The following SLC17A4 variants were observed in gnomAD, a reference collection of about 807,000 sequenced individuals.
The protein encoded by SLC17A4 is solute carrier family 17 member 4, also known as probable small intestine urate exporter.
Under a neutral mutation model 52.5 loss-of-function variants are expected in SLC17A4, and 33 were observed. The observed-to-expected ratio is 0.63, with a 90% CI of 0.48 to 0.84. The LOEUF (loss-of-function observed/expected upper bound fraction) is 0.84. SLC17A4 is among the 40% of genes least tolerant of loss of function. The pLI is 0.00. For synonymous variants in SLC17A4, 225 were observed against 216.2 expected (o/e 1.04, Z -0.36); for missense variants, 585 against 597.1 (o/e 0.98, Z 0.21).
At chr6:25,768,610 T>A (rs1762216602) in intron 2 of SLC17A4, among the ~76,000 whole-genome samples, 1 of 152,144 alleles carries the variant, frequency 6.6e-6, no homozygotes. Flanking sequence ...TTGGGAGTCA[T>A]CTCCAGCAGT....
rs1466493744 is a variant in SLC17A4, at chr6:25,777,252, C to T, written c.1268+293C>T. The T allele has an allele frequency of 1.5e-5, 5 of 340,716 alleles. No individual in the cohort carries two copies. The South Asian group carries it at 2.1e-4, about 14-fold the overall frequency. The allele number at this position is 340,716 out of a possible 1,614,324, so 21.1% of individuals were successfully genotyped here. A position where few individuals can be genotyped will look rare whatever the true frequency, so the allele number is the denominator to read the frequency against. On this transcript the variant is annotated intron_variant, in intron 10 of 11. Transcript: ENST00000377905. ...TGAGGAATGCAGCACTTGCCTAAGG[C>T]GGAATCACTGAAAGAAATCTTGAGA...
At chr6:25,759,817 T>A (rs1761375713) in intron 1 of SLC17A4, among the ~76,000 whole-genome samples, 1 of 152,370 alleles carries the variant, frequency 6.6e-6, no homozygotes, top group East Asian at 1.9e-4. Context: ...TGTTTACCTG[T>A]CTTTTAAATC....
chr6:25,756,199 C>A (rs992848686), intron 1 of SLC17A4, among the ~76,000 whole-genome samples: 3 of 152,098 alleles, frequency 2.0e-5, no homozygotes, highest in African/African-American at 7.2e-5. Flanking sequence ...CCTGCCCACC[C>A]CTTTGATCTC....
At chr6:25,769,810 G>T in intron 3 of SLC17A4, among the ~76,000 whole-genome samples, 1 of 151,486 alleles carries the variant, frequency 6.6e-6, no homozygotes, top group African/African-American at 2.4e-5. Flanking sequence ...TGCTTATGAT[G>T]CTTTCTTCTT....
intron 2 of SLC17A4, among the ~76,000 whole-genome samples, chr6:25,763,653 T>C (rs1290093776): frequency 2.0e-5 from 3 of 152,122 alleles, no homozygotes; most frequent in African/African-American, 7.2e-5. Context: ...TGTGGAGAAA[T>C]GCCCCCTCCC....
intron 1 of SLC17A4, among the ~76,000 whole-genome samples, chr6:25,756,540 G>A (rs1761031862): frequency 1.3e-5 from 2 of 151,936 alleles, no homozygotes; most frequent in African/African-American, 4.8e-5. Context: ...TTTCTCGCAG[G>A]TGTACTGTCT....
At chr6:25,776,249 T>C (rs1762905969) in intron 8 of SLC17A4, among the ~76,000 whole-genome samples, 1 of 152,178 alleles carries the variant, frequency 6.6e-6, no homozygotes, top group African/African-American at 2.4e-5. Flanking sequence ...TTGGATACCT[T>C]TTAACATGTT....
intron 1 of SLC17A4, among the ~76,000 whole-genome samples, chr6:25,755,110 C>CAGAG (rs142103682): frequency 0.27 from 40,996 of 150,978 alleles, 6,770 homozygotes; most frequent in East Asian, 0.7. Flanking sequence ...GAGGAAGAGA[C>CAGAG]AGAAACTAAA....
rs761415391 is a variant in SLC17A4 at position 25,776,940 on chromosome 6, T to C, written c.1249T>C (p.Phe417Leu). 5 of 1,612,922 alleles carry C rather than the reference T, an allele frequency of 3.1e-6. No individual in the cohort carries two copies. Among genetic ancestry groups the C allele is most frequent in the Non-Finnish European group, 4.2e-6 (5 of 1,179,396 alleles). The change falls in exon 10 of 12, where the codon TTC becomes CTC. Residue 417 changes from phenylalanine to leucine, a missense_variant. Transcript: ENST00000377905. ...SFCESGALVN[F>L]LDIAPRYTGF... ...CTGTGAATCAGGAGCCCTTGTTAAC[T>C]TCTTGGATATTGCTCCTCGGTAGGG...
intron 2 of SLC17A4, among the ~76,000 whole-genome samples, chr6:25,764,179 C>T (rs1025613371): frequency 1.3e-5 from 2 of 152,158 alleles, no homozygotes; most frequent in African/African-American, 2.4e-5. Context: ...TCATTGAGTT[C>T]GGCCTGCCAC....
At chr6:25,762,177 C>T in intron 2 of SLC17A4, 124 bp downstream of exon 2, 1 of 694,740 alleles carries the variant, frequency 1.4e-6, no homozygotes, top group South Asian at 2.0e-5. Flanking sequence ...TTCCTTGCTA[C>T]CACCAATTGC....
In SLC17A4 at chr6:25,776,834, C is replaced by A. The variant is rs199593179; in HGVS notation, c.1143C>A (p.Ile381=). ...TAIGVLFPSV[I]LVSLPWVRSS... ...CAGGGGTTCTCTTCCCATCCGTGAT[C>A]CTCGTGTCCCTGCCCTGGGTCAGAT... Residue 381 remains isoleucine, a synonymous_variant, in exon 10 of 12, where the codon ATC becomes ATA. Transcript: ENST00000377905. 9.0e-5 allele frequency: 146 copies of A among 1,614,000 alleles called. 4 individuals carry two copies. Among genetic ancestry groups the A allele is most frequent in the East Asian group, 7.6e-4 (34 of 44,870 alleles).
intron 8 of SLC17A4, among the ~76,000 whole-genome samples, chr6:25,775,609 G>T (rs984989322): frequency 6.6e-6 from 1 of 151,744 alleles, no homozygotes; most frequent in East Asian, 2.0e-4. Flanking sequence ...CTAATTTTTT[G>T]TGGAGATGAG....
intron 2 of SLC17A4, among the ~76,000 whole-genome samples, chr6:25,763,694 A>G (rs1330657398): frequency 6.6e-6 from 1 of 152,208 alleles, no homozygotes; most frequent in Non-Finnish European, 1.5e-5. Flanking sequence ...TATGCAAAGT[A>G]ACTGTTCCAA....
rs1257823721 is a variant in SLC17A4, at chr6:25,780,138, T to C, written c.*950T>C. ...TGGAGAAATGTGTGTAGTGCTTTTG[T>C]TAAAGCCCCTATATGGGCAGCATGG... On this transcript the variant is annotated 3_prime_UTR_variant, in exon 12 of 12. Transcript: ENST00000377905. The C allele has an allele frequency of 6.6e-6, 1 of 152,206 alleles. No homozygotes were observed. Among genetic ancestry groups the C allele is most frequent in the Non-Finnish European group, 1.5e-5 (1 of 68,038 alleles). 9.4% of individuals were successfully genotyped at this position (152,206 alleles called of 1,614,324 possible). A position where few individuals can be genotyped will look rare whatever the true frequency, so the allele number is the denominator to read the frequency against.
Position 25,779,338 on chromosome 6 carries a change from C to A in SLC17A4, c.*150C>A. 3 of 1,094,230 alleles carry A rather than the reference C, an allele frequency of 2.7e-6. No individual in the cohort carries two copies. Among genetic ancestry groups the A allele is most frequent in the African/African-American group, 1.6e-5 (1 of 63,044 alleles). 67.8% of individuals were successfully genotyped at this position (1,094,230 alleles called of 1,614,324 possible). Reference sequence around the variant, plus strand: ...GATTTTACCATGCCTGGAAATTTTACAGGGGAAGAAAACACGCTAGTTATT... The same window carrying A: ...GATTTTACCATGCCTGGAAATTTTAAAGGGGAAGAAAACACGCTAGTTATT... On this transcript the variant is annotated 3_prime_UTR_variant, in exon 12 of 12. Transcript: ENST00000377905.
intron 6 of SLC17A4, 31 bp from the exon 7 acceptor site, chr6:25,773,244 A>C (rs1390770604): frequency 6.5e-7 from 1 of 1,539,918 alleles, no homozygotes; most frequent in South Asian, 1.1e-5. Context: ...ACTTCAATCC[A>C]TCCAGTGCTA....
intron 10 of SLC17A4, 53 bp downstream of exon 10, chr6:25,777,012 C>T (rs747263320): frequency 4.5e-6 from 7 of 1,543,356 alleles, no homozygotes; most frequent in Non-Finnish European, 6.1e-6. Flanking sequence ...AGTCTAGCAG[C>T]CCTAAATCTA....
rs927662662 is a variant in SLC17A4 at position 25,780,544 on chromosome 6, C to T, written c.*1356C>T. The T allele has an allele frequency of 1.3e-5, 2 of 152,078 alleles. No homozygotes were observed. Among genetic ancestry groups the T allele is most frequent in the Non-Finnish European group, 2.9e-5 (2 of 68,056 alleles). 9.4% of individuals were successfully genotyped at this position (152,078 alleles called of 1,614,324 possible). On this transcript the variant is annotated 3_prime_UTR_variant, in exon 12 of 12. Coordinates refer to ENST00000377905, the MANE Select transcript of SLC17A4 (RefSeq NM_005495.3). Reference sequence around the variant, plus strand: ...GCAGGAGGGAGAAATTAGCTATGGCCAGAGTATAGAGAATAAGGGAAGTAT... The same window carrying T: ...GCAGGAGGGAGAAATTAGCTATGGCTAGAGTATAGAGAATAAGGGAAGTAT...
Sources: allele counts gnomAD v4.1 joint callset (sites outside exome capture counted in the v4.1 genomes callset), GRCh38; gene constraint gnomAD v4.1.1; transcripts MANE v1.5; gene names NCBI Gene and HGNC (gene_info 2026-07-23, HGNC 2026-07-21).